MAST4: variants seen among roughly 807,000 people sequenced by gnomAD.
The protein encoded by MAST4 is microtubule associated serine/threonine kinase family member 4, also known as microtubule-associated serine/threonine-protein kinase 4.
In MAST4, 89 loss-of-function variants were observed where a neutral mutation model predicts 162.7. The observed-to-expected ratio is 0.55, with a 90% CI of 0.46 to 0.65. The LOEUF is 0.65. Among genes scored for constraint, MAST4 ranks in the 30% least tolerant of loss-of-function variants. The pLI is 0.00. For missense variants in MAST4, 3,153 were observed against 3,374.0 expected (o/e 0.93, Z 1.62); for synonymous variants, 1,479 against 1,361.1 (o/e 1.09, Z -1.91).
intron 3 of MAST4, among the ~76,000 whole-genome samples, chr5:66,798,373 G>A (rs1755756465): frequency 6.6e-6 from 1 of 152,130 alleles, no homozygotes; most frequent in Non-Finnish European, 1.5e-5. Context: ...AATATGTAGA[G>A]GCATAAAGCC....
chr5:66,816,579 C>G (rs919093952), intron 3 of MAST4, among the ~76,000 whole-genome samples: 33 of 152,280 alleles, frequency 2.2e-4, no homozygotes, highest in African/African-American at 7.7e-4. Flanking sequence ...TTTTGTAGAT[C>G]TGTACAGGTA....
intron 4 of MAST4, among the ~76,000 whole-genome samples, chr5:67,015,967 T>G (rs552770443): frequency 6.6e-6 from 1 of 152,334 alleles, no homozygotes; most frequent in African/African-American, 2.4e-5. Context: ...TTCATTTGTA[T>G]GCCAAATATT....
intron 4 of MAST4, among the ~76,000 whole-genome samples, chr5:67,049,023 GTATA>G (rs10598203): frequency 0.15 from 13,087 of 85,040 alleles, 1,110 homozygotes; most frequent in Middle Eastern, 0.25. Context: ...ATATATATAC[GTATA>G]TATATATATA....
intron 4 of MAST4, among the ~76,000 whole-genome samples, chr5:66,915,525 A>G (rs1764055353): frequency 6.6e-6 from 1 of 152,242 alleles, no homozygotes; most frequent in Non-Finnish European, 1.5e-5. Flanking sequence ...TAGCATTTGA[A>G]CTAGTGTACT....
At position 67,163,618 on chromosome 5, in the gene MAST4, C is replaced by T; in HGVS notation, c.4439C>T (p.Ser1480Phe). The T allele has an allele frequency of 6.2e-7, 1 of 1,603,494 alleles. No homozygotes were observed. Among genetic ancestry groups the T allele is most frequent in the Non-Finnish European group, 8.5e-7 (1 of 1,175,664 alleles). ...CAAGAGGAGGTGCAGCGGGAGCAGT[C>T]CCAGCGGGAGGCGCCGCTGCAGAGC... The part of the protein sequence containing the change: ...VTQEEVQREQ[S>F]QREAPLQSLD... Residue 1480 changes from serine (S) to phenylalanine (F), a missense_variant, in exon 29 of 29, where the codon TCC (serine) becomes TTC (phenylalanine). This residue lies in a region of MAST4 where 1,644 missense variants were observed against 1,495.0 expected (regional missense o/e 1.10). Coordinates refer to ENST00000403625, the MANE Select transcript of MAST4 (RefSeq NM_001164664.2). This position sits in a 1 kb window ranked among gnomAD's most constrained non-coding sequence, Gnocchi z 7.0.
At chr5:66,985,082 T>C (rs914135421) in intron 4 of MAST4, among the ~76,000 whole-genome samples, 2 of 152,112 alleles carry the variant, frequency 1.3e-5, no homozygotes, top group African/African-American at 4.8e-5. Context: ...TCAGGACAGA[T>C]TCCTGAGACA....
chr5:66,965,606 G>A (rs13186470), intron 4 of MAST4, among the ~76,000 whole-genome samples: 4 of 145,162 alleles, frequency 2.8e-5, no homozygotes, highest in Non-Finnish European at 4.5e-5. Context: ...GGGCGGTGAA[G>A]GATAAAACCA....
At chr5:66,632,579 G>T (rs912013584) in intron 1 of MAST4, among the ~76,000 whole-genome samples, 4 of 152,220 alleles carry the variant, frequency 2.6e-5, no homozygotes, top group African/African-American at 9.6e-5. Flanking sequence ...GCAACCTAGA[G>T]ATCTCATTTC....
chr5:66,992,949 C>T (rs1750217186), intron 4 of MAST4, among the ~76,000 whole-genome samples: 1 of 152,108 alleles, frequency 6.6e-6, no homozygotes, highest in African/African-American at 2.4e-5. Flanking sequence ...ATCATGTTTC[C>T]AGCAGGATTG....
intron 2 of MAST4, among the ~76,000 whole-genome samples, chr5:66,775,599 T>C (rs751381458): frequency 1.3e-5 from 2 of 152,188 alleles, no homozygotes; most frequent in Non-Finnish European, 2.9e-5. Flanking sequence ...TGTGAAGCAA[T>C]TGGCGGTTTG....
In MAST4 at chr5:67,163,527, C is replaced by T; in HGVS notation, c.4348C>T (p.Leu1450=). ...LLKRVQSEEK[L]SPSYGSDKKH... is the part of the protein sequence containing the mutation. ...CAAGCGCGTGCAGTCCGAGGAGAAG[C>T]TGTCGCCCTCTTACGGCAGTGACAA... Residue 1450 remains leucine (L), a synonymous_variant, in exon 29 of 29, where the codon CTG becomes TTG. Coordinates refer to ENST00000403625, the MANE Select transcript of MAST4 (RefSeq NM_001164664.2). The surrounding 1 kb of genome is among the most constrained non-coding windows in gnomAD (Gnocchi z 7.0). 5.6e-6 allele frequency: 9 copies of T among 1,606,510 alleles called. No individual in the cohort carries two copies. Among genetic ancestry groups the T allele is most frequent in the Non-Finnish European group, 7.6e-6 (9 of 1,176,682 alleles).
chr5:66,837,023 CAT>C lies in MAST4; in HGVS notation c.642+48230_642+48231del, dbSNP rs1491398122. ...GTCTGGGTAAAAGACCATGCAGGAT[CAT>C]GTGTGTGTGTGTGTGTGTGTGTGTG... is the stretch of plus-strand genomic sequence containing the variant. On this transcript the variant is annotated intron_variant, in intron 3 of 28. Coordinates refer to ENST00000403625, the MANE Select transcript of MAST4 (RefSeq NM_001164664.2). Among the ~76,000 whole-genome samples, 244 of 144,452 alleles carry C rather than the reference CAT, an allele frequency of 1.7e-3. 2 individuals carry two copies. The highest frequency in any genetic ancestry group is 4.3e-3 in the African/African-American group (162 of 38,116). 94.8% of individuals were successfully genotyped at this position (144,452 alleles called of 152,430 possible).
intron 26 of MAST4, among the ~76,000 whole-genome samples, chr5:67,155,073 G>A: frequency 6.6e-6 from 1 of 152,184 alleles, no homozygotes; most frequent in East Asian, 1.9e-4. Flanking sequence ...CAGGGGTGTA[G>A]GTGTATGTTT....
At chr5:67,119,365 A>G (rs1366476454) in intron 13 of MAST4, among the ~76,000 whole-genome samples, 2 of 152,162 alleles carry the variant, frequency 1.3e-5, no homozygotes, top group African/African-American at 4.8e-5. Context: ...GAGGCCCTGG[A>G]TGCTGGTGCC....
intron 1 of MAST4, among the ~76,000 whole-genome samples, chr5:66,746,013 G>T (rs1180523436): frequency 6.6e-6 from 1 of 152,106 alleles, no homozygotes; most frequent in South Asian, 2.1e-4. Flanking sequence ...TTTGGGTTCT[G>T]GTCTGCGTTC....
chr5:66,835,053 A>G (rs1028750379), intron 3 of MAST4, among the ~76,000 whole-genome samples: 1 of 152,050 alleles, frequency 6.6e-6, no homozygotes, highest in Non-Finnish European at 1.5e-5. Flanking sequence ...TACACCACCC[A>G]TCTCTGCTCC....
intron 4 of MAST4, among the ~76,000 whole-genome samples, chr5:66,962,010 G>T (rs1457782425): frequency 6.6e-6 from 1 of 152,188 alleles, no homozygotes; most frequent in Admixed American, 6.5e-5. Flanking sequence ...GAGCATTTGA[G>T]CAATAATTTA....
At chr5:66,951,905 G>T (rs1744757471) in intron 4 of MAST4, among the ~76,000 whole-genome samples, 1 of 151,970 alleles carries the variant, frequency 6.6e-6, no homozygotes, top group African/African-American at 2.4e-5. Context: ...GTTCCAAGCT[G>T]GACGGTGTGC....
intron 1 of MAST4, among the ~76,000 whole-genome samples, chr5:66,656,173 C>G (rs2149454002): frequency 6.6e-6 from 1 of 152,312 alleles, no homozygotes; most frequent in African/African-American, 2.4e-5. Flanking sequence ...AGCAGAAGGG[C>G]TGGAAGACCT....
Sources: gnomAD v4.1 joint callset for allele counts (sites outside exome capture counted in the v4.1 genomes callset) on GRCh38, gnomAD v4.1.1 for gene constraint, gnomAD v4.1.1 regional missense constraint, Gnocchi (gnomAD v3.1) non-coding constraint, MANE v1.5 for transcripts, NCBI Gene and HGNC (gene_info 2026-07-23, HGNC 2026-07-21) for gene names.